Variants in MYBPHL observed in about 807,000 individuals in gnomAD.
The protein encoded by MYBPHL is myosin binding protein H like.
Under a neutral mutation model 39.5 loss-of-function variants are expected in MYBPHL, and 32 were observed. The observed-to-expected ratio is 0.81, with a 90% CI of 0.61 to 1.09. The LOEUF (loss-of-function observed/expected upper bound fraction) is 1.09, where lower values mean the gene tolerates loss of function less well. Ranked by LOEUF, MYBPHL falls within the 50% of genes least tolerant of loss-of-function variation. The pLI is 0.00. For missense variants in MYBPHL, 456 were observed against 460.2 expected (o/e 0.99, Z 0.08); for synonymous variants, 196 against 183.7 (o/e 1.07, Z -0.54).
At position 109,296,233 on chromosome 1, in the gene MYBPHL, C is replaced by T; in HGVS notation, c.867+1G>A. 6.2e-7 allele frequency: 1 copy of T among 1,613,254 alleles called. No homozygotes were observed. The highest frequency in any genetic ancestry group is 8.5e-7 in the Non-Finnish European group (1 of 1,179,942). On this transcript the variant is annotated splice_donor_variant, in intron 6 of 8. Transcript: ENST00000357155. LOFTEE classifies it high-confidence loss of function. ...CAGTGCCCCCCAGAGCCCCCACTCACCCGGGGAGAGGCGCGGACACAGCAG... is the reference window on the plus strand; with the variant it reads ...CAGTGCCCCCCAGAGCCCCCACTCATCCGGGGAGAGGCGCGGACACAGCAG...
rs1658018891 is a variant in MYBPHL, at chr1:109,295,233, G to A, written c.932C>T (p.Thr311Ile). The change falls in exon 7 of 9, where the codon ACT becomes ATT. Residue 311 changes from threonine (T) to isoleucine (I), a missense_variant. Transcript: ENST00000357155. ...CTCTAGGGAGCAGATTCCCAGGTGA[G>A]TCAGGGCTCTGTACTTAGGGTTGCC... ...IQGNPKYRAL[T>I]HLGICSLEIR... 1 of 1,614,062 alleles carries A rather than the reference G, an allele frequency of 6.2e-7. No homozygotes were observed. Among genetic ancestry groups the A allele is most frequent in the Non-Finnish European group, 8.5e-7 (1 of 1,180,042 alleles).
chr1:109,304,878 C>T (rs913636003), intron 1 of MYBPHL, among the ~76,000 whole-genome samples: 1 of 152,202 alleles, frequency 6.6e-6, no homozygotes, highest in Admixed American at 6.5e-5. Flanking sequence ...TGGTTTTGAT[C>T]TTGCAAATTA....
Position 109,295,291 on chromosome 1 carries a change from T to A in MYBPHL, c.874A>T (p.Ile292Phe), listed in dbSNP as rs903698841. Reference sequence around the variant, plus strand: ...TCCATCTTGTTCTTCAGCCAGATGATCTTGGGCTGGAAGACAAAGATGAGG... The same window carrying A: ...TCCATCTTGTTCTTCAGCCAGATGAACTTGGGCTGGAAGACAAAGATGAGG... ...CCVRASPRPKIIWLKNKMDIQ... is the reference protein window; with the variant it reads ...CCVRASPRPKFIWLKNKMDIQ... Residue 292 changes from isoleucine to phenylalanine, a missense_variant, in exon 7 of 9, where the codon ATC becomes TTC. By Grantham distance (21) the Ile-to-Phe change is conservative (BLOSUM62 0). Transcript: ENST00000357155. 1 of 1,613,604 alleles carries A rather than the reference T, an allele frequency of 6.2e-7. No individual in the cohort carries two copies.
In MYBPHL at chr1:109,295,300, G is replaced by A. The variant is rs374141923; in HGVS notation, c.868-3C>T. The A allele has an allele frequency of 6.8e-6, 11 of 1,612,778 alleles. 1 individual carries two copies. In the South Asian group the frequency reaches 1.2e-4, roughly 18 times the overall value. On this transcript the variant is annotated splice_region_variant and splice_polypyrimidine_tract_variant and intron_variant, in intron 6 of 8. Coordinates refer to ENST00000357155, the MANE Select transcript of MYBPHL (RefSeq NM_001010985.3). ...TTCTTCAGCCAGATGATCTTGGGCTGGAAGACAAAGATGAGGGAGGCAGCA... is the reference window on the plus strand; with the variant it reads ...TTCTTCAGCCAGATGATCTTGGGCTAGAAGACAAAGATGAGGGAGGCAGCA...
At chr1:109,299,745 G>A (rs888044374) in intron 1 of MYBPHL, among the ~76,000 whole-genome samples, 4 of 152,200 alleles carry the variant, frequency 2.6e-5, no homozygotes, top group Admixed American at 1.3e-4. Flanking sequence ...CTGAGTGCCC[G>A]TCCTCCCTGC....
chr1:109,296,138 A>T, intron 6 of MYBPHL, 96 bp downstream of exon 6: 1 of 1,475,336 alleles, frequency 6.8e-7, no homozygotes, highest in Non-Finnish European at 9.2e-7. Flanking sequence ...TGATGGTAAC[A>T]GATGTTATGT....
At position 109,295,118 on chromosome 1, in the gene MYBPHL, A is replaced by C. The variant is rs1658009305; in HGVS notation, c.1047T>G (p.Asp349Glu). ...LGEASVDCRV[D>E]VKVPN The stretch of plus-strand genomic sequence containing the variant: ...TTCTCCTCTTGCCCTTACCTTTCAC[A>C]TCCACCCGACAGTCCACAGATGCCT... Residue 349 changes from aspartate to glutamate, a missense_variant, in exon 7 of 9, where the codon GAT (aspartate) becomes GAG (glutamate). Asp to Glu is a conservative substitution (Grantham distance 45, BLOSUM62 2). Coordinates refer to ENST00000357155, the MANE Select transcript of MYBPHL (RefSeq NM_001010985.3). 3 of 1,612,904 alleles carry C rather than the reference A, an allele frequency of 1.9e-6. No homozygotes were observed. The highest frequency in any genetic ancestry group is 2.5e-6 in the Non-Finnish European group (3 of 1,179,882).
intron 6 of MYBPHL, 63 bp downstream of exon 6, chr1:109,296,166 CAGCTT>C (rs1202006753): frequency 2.2e-5 from 35 of 1,575,986 alleles, no homozygotes; most frequent in Non-Finnish European, 3.0e-5. Context: ...CTCTGCAACT[CAGCTT>C]AGGTTAGGAC....
Position 109,298,251 on chromosome 1 carries a change from G to A in MYBPHL, c.152C>T (p.Pro51Leu), listed in dbSNP as rs1658159932. The A allele has an allele frequency of 6.2e-7, 1 of 1,610,124 alleles. No homozygotes were observed. Among genetic ancestry groups the A allele is most frequent in the African/African-American group, 1.3e-5 (1 of 74,674 alleles). ...CAGGGCCCGAGGTAGCCAGATCTTG[G>A]GGTGCTCTGAGTGATGGAAAGAGAG... ...PQLLPPIEEH[P>L]KIWLPRALRQ... Residue 51 changes from proline to leucine, a missense_variant, in exon 2 of 9, where the codon CCC (proline) becomes CTC (leucine). Physicochemically the swap from Pro to Leu is moderately conservative, Grantham distance 98 (BLOSUM62 -3). Coordinates refer to ENST00000357155, the MANE Select transcript of MYBPHL (RefSeq NM_001010985.3).
At position 109,294,196 on chromosome 1, in the gene MYBPHL, C is replaced by G. The variant is rs757271093; in HGVS notation, c.*33+10G>C. 1 of 1,556,596 alleles carries G rather than the reference C, an allele frequency of 6.4e-7. No individual in the cohort carries two copies. The highest frequency in any genetic ancestry group is 8.9e-7 in the Non-Finnish European group (1 of 1,127,424). On this transcript the variant is annotated intron_variant, in intron 8 of 8. Coordinates refer to ENST00000357155, the MANE Select transcript of MYBPHL (RefSeq NM_001010985.3). ...TAATCCAGTGAGACATCTTGCCTCT[C>G]TTTACTTACCTTTGTCAGAGTACCA...
chr1:109,300,525 G>C (rs1016354151), intron 1 of MYBPHL, among the ~76,000 whole-genome samples: 2 of 152,274 alleles, frequency 1.3e-5, no homozygotes, highest in African/African-American at 4.8e-5. Context: ...GGAATGGGCT[G>C]TTATGGGTAG....
chr1:109,294,284 C>G, intron 7 of MYBPHL, 35 bp from the exon 8 acceptor site: 1 of 1,603,380 alleles, frequency 6.2e-7, no homozygotes, highest in Non-Finnish European at 8.5e-7. Flanking sequence ...GTGTTAACAT[C>G]TCAGAAATCT....
rs72703216 is a variant in MYBPHL at position 109,295,231 on chromosome 1, G to A, written c.934C>T (p.His312Tyr). The A allele has an allele frequency of 0.01, 16,685 of 1,614,142 alleles. 128 individuals carry two copies. The highest frequency in any genetic ancestry group is 0.016 in the Middle Eastern group (98 of 6,056). ...ATCTCTAGGGAGCAGATTCCCAGGT[G>A]AGTCAGGGCTCTGTACTTAGGGTTG... is the stretch of plus-strand genomic sequence containing the variant. ...QGNPKYRALT[H>Y]LGICSLEIRK... The change falls in exon 7 of 9, where the codon CAC becomes TAC. Residue 312 changes from histidine (H) to tyrosine (Y), a missense_variant. Transcript: ENST00000357155.
chr1:109,296,682 G>T (rs553178531), intron 5 of MYBPHL, 101 bp downstream of exon 5: 2 of 1,387,740 alleles, frequency 1.4e-6, no homozygotes, highest in Non-Finnish European at 2.0e-6. Flanking sequence ...CAGGTGATCC[G>T]CCTGCCTTGG....
At chr1:109,302,610 C>T (rs946201611) in intron 1 of MYBPHL, among the ~76,000 whole-genome samples, 1 of 152,166 alleles carries the variant, frequency 6.6e-6, no homozygotes, top group African/African-American at 2.4e-5. Context: ...CTGGTCCCAA[C>T]ACCCATGTTT....
At chr1:109,295,323 G>C (rs1188536230) in intron 6 of MYBPHL, 26 bp from the exon 7 acceptor site, 2 of 1,603,514 alleles carry the variant, frequency 1.2e-6, no homozygotes, top group African/African-American at 2.7e-5. Flanking sequence ...GAGGGAGGCA[G>C]CAAGGAGGGG....
chr1:109,296,438 A>G, intron 5 of MYBPHL, 68 bp from the exon 6 acceptor site: 1 of 1,521,898 alleles, frequency 6.6e-7, no homozygotes, highest in Non-Finnish European at 8.9e-7. Context: ...CTTTATCCTT[A>G]GTATTTTTTT....
chr1:109,296,154 T>A, intron 6 of MYBPHL, 80 bp downstream of exon 6: 1 of 1,541,904 alleles, frequency 6.5e-7, no homozygotes, highest in Non-Finnish European at 8.8e-7. Flanking sequence ...TATGTTACAG[T>A]GCTCTGCAAC....
chr1:109,295,671 C>G (rs1236968850), intron 6 of MYBPHL, among the ~76,000 whole-genome samples: 2 of 152,234 alleles, frequency 1.3e-5, no homozygotes, highest in African/African-American at 2.4e-5. Context: ...CCTCTGTCCC[C>G]TCTGGTTAGA....
Sources: allele counts gnomAD v4.1 joint callset (sites outside exome capture counted in the v4.1 genomes callset), GRCh38; gene constraint gnomAD v4.1.1; transcripts MANE v1.5; gene names NCBI Gene and HGNC (gene_info 2026-07-23, HGNC 2026-07-21).